Variants in TBC1D22A observed in about 807,000 individuals in gnomAD.
TBC1D22A encodes putative GTPase activator.
TBC1D22A carries 38 observed loss-of-function variants against 60.2 expected under a neutral mutation model. That is an observed-to-expected ratio of 0.63 (90% CI 0.49 to 0.83). The LOEUF is 0.83. Among genes scored for constraint, TBC1D22A ranks in the 40% least tolerant of loss-of-function variants. TBC1D22A has a pLI of 0.00. For synonymous variants in TBC1D22A, 302 were observed against 281.7 expected (o/e 1.07, Z -0.72); for missense variants, 628 against 701.0 (o/e 0.90, Z 1.18).
chr22:47,146,993 G>A (rs1220437689), intron 12 of TBC1D22A, among the ~76,000 whole-genome samples: 1 of 152,252 alleles, frequency 6.6e-6, no homozygotes, highest in Non-Finnish European at 1.5e-5. Context: ...CAGTTACATG[G>A]AGATTGCACT....
intron 4 of TBC1D22A, among the ~76,000 whole-genome samples, chr22:46,875,844 G>A (rs2067534650): frequency 6.6e-6 from 1 of 152,180 alleles, no homozygotes; most frequent in Non-Finnish European, 1.5e-5. Context: ...AGGAGGAAAG[G>A]ATGGAGTATT....
At chr22:47,108,991 G>A (rs1034874887) in intron 11 of TBC1D22A, among the ~76,000 whole-genome samples, 2 of 152,138 alleles carry the variant, frequency 1.3e-5, no homozygotes, top group South Asian at 2.1e-4. Context: ...CACTGCACCC[G>A]GCCTGAAATA....
chr22:47,050,297 G>C (rs1009053975), intron 11 of TBC1D22A, among the ~76,000 whole-genome samples: 2 of 150,368 alleles, frequency 1.3e-5, no homozygotes, highest in African/African-American at 4.9e-5. Context: ...GAGCCACCGC[G>C]CCTGGCCGAG....
In TBC1D22A at chr22:47,138,520, G is replaced by C. The variant is rs555842309; in HGVS notation, c.1425+26917G>C. 1.3e-3 allele frequency among the ~76,000 whole-genome samples: 191 copies of C among 152,350 alleles called. 1 individual carries two copies. Among genetic ancestry groups the C allele is most frequent in the African/African-American group, 4.4e-3 (184 of 41,582 alleles). ...GTGTCCCGGCACAGCTTCCCAGCCAGCCTCCCTAGTGAACCTTGCCTCTTC... is the reference window on the plus strand; with the variant it reads ...GTGTCCCGGCACAGCTTCCCAGCCACCCTCCCTAGTGAACCTTGCCTCTTC... On this transcript the variant is annotated intron_variant, in intron 12 of 12. Transcript: ENST00000337137.
At position 46,797,966 on chromosome 22, in the gene TBC1D22A, G is replaced by A. The variant is rs147327985; in HGVS notation, c.637+346G>A. Among the ~76,000 whole-genome samples, 802 of 152,208 alleles carry A rather than the reference G, an allele frequency of 5.3e-3. 5 individuals are homozygous for A. The Middle Eastern group carries it at 0.065, about 12-fold the overall frequency. On this transcript the variant is annotated intron_variant, in intron 4 of 12. Transcript: ENST00000337137. ...AGCTCACTGCAACCTGGAATTCCTG[G>A]GCTCAAGCAATCCTCCTGCCTCAGC...
At chr22:47,117,611 C>CA (rs2066116027) in intron 12 of TBC1D22A, among the ~76,000 whole-genome samples, 1 of 152,108 alleles carries the variant, frequency 6.6e-6, no homozygotes. Flanking sequence ...CTTCTCCCAA[C>CA]AAGGGTCTGG....
intron 11 of TBC1D22A, among the ~76,000 whole-genome samples, chr22:47,107,763 A>G (rs1268564616): frequency 6.6e-6 from 1 of 152,232 alleles, no homozygotes; most frequent in Non-Finnish European, 1.5e-5. Context: ...AAAGAAGAAG[A>G]CACAAGTGAG....
At chr22:46,932,847 C>T (rs1042961970) in intron 8 of TBC1D22A, among the ~76,000 whole-genome samples, 9 of 151,550 alleles carry the variant, frequency 5.9e-5, no homozygotes, top group African/African-American at 2.2e-4. Flanking sequence ...GCCTCAGCCT[C>T]CTGATTAGCT....
chr22:47,168,721 AG>A (rs1222316609), intron 12 of TBC1D22A, among the ~76,000 whole-genome samples: 1 of 117,588 alleles, frequency 8.5e-6, no homozygotes, highest in African/African-American at 3.2e-5. Flanking sequence ...CTGGGGCCCT[AG>A]GACACGGGCT....
At chr22:46,941,581 GGGAATATATATAC>G (rs1241974103) in intron 8 of TBC1D22A, among the ~76,000 whole-genome samples, 10 of 114,708 alleles carry the variant, frequency 8.7e-5, no homozygotes, top group Non-Finnish European at 1.3e-4. Context: ...TATATATACA[GGGAATATATATAC>G]GGAATATATA....
intron 11 of TBC1D22A, among the ~76,000 whole-genome samples, chr22:47,051,785 G>A (rs147178827): frequency 6.6e-6 from 1 of 152,286 alleles, no homozygotes; most frequent in East Asian, 1.9e-4. Context: ...GCGCTCCTCT[G>A]CTCCCGCTGT....
chr22:46,966,322 G>A (rs1051539272), intron 8 of TBC1D22A, among the ~76,000 whole-genome samples: 6 of 152,262 alleles, frequency 3.9e-5, no homozygotes, highest in African/African-American at 1.4e-4. Context: ...GGCTGTGTGA[G>A]CTGCGTCCCT....
At chr22:46,801,607 G>A (rs561544897) in intron 4 of TBC1D22A, among the ~76,000 whole-genome samples, 5 of 152,376 alleles carry the variant, frequency 3.3e-5, no homozygotes, top group African/African-American at 9.6e-5. Context: ...GTGAATGGTA[G>A]TGCGATTTGG....
intron 10 of TBC1D22A, among the ~76,000 whole-genome samples, chr22:47,000,076 G>A (rs1406977439): frequency 3.3e-5 from 5 of 152,200 alleles, no homozygotes; most frequent in African/African-American, 1.2e-4. Context: ...GAGAAGGACA[G>A]CATTTATTTC....
At chr22:46,896,789 G>A (rs1423287088) in intron 7 of TBC1D22A, among the ~76,000 whole-genome samples, 1 of 152,096 alleles carries the variant, frequency 6.6e-6, no homozygotes, top group East Asian at 1.9e-4. Context: ...CTTCACCGTG[G>A]ACTGGCCAGT....
chr22:47,148,156 G>A (rs191922471), intron 12 of TBC1D22A, among the ~76,000 whole-genome samples: 14 of 152,240 alleles, frequency 9.2e-5, no homozygotes, highest in Admixed American at 7.8e-4. Context: ...TAAAAAACCA[G>A]CCCCGAGAGG....
chr22:47,076,351 ATATGTGTGTG>A (rs2064212463), intron 11 of TBC1D22A, among the ~76,000 whole-genome samples: 1 of 119,290 alleles, frequency 8.4e-6, no homozygotes, highest in Non-Finnish European at 1.7e-5. Flanking sequence ...GTATATATAT[ATATGTGTGTG>A]TATATATATA....
chr22:46,972,743 C>T (rs1297911937), intron 8 of TBC1D22A, among the ~76,000 whole-genome samples: 4 of 152,168 alleles, frequency 2.6e-5, no homozygotes, highest in African/African-American at 7.2e-5. Context: ...ACCACTCTGT[C>T]GCACACGCTA....
At chr22:46,883,959 G>C (rs1319282998) in intron 5 of TBC1D22A, among the ~76,000 whole-genome samples, 1 of 152,188 alleles carries the variant, frequency 6.6e-6, no homozygotes, top group Admixed American at 6.5e-5. Context: ...CTTTCTCCCT[G>C]AGTCTCAGGG....
Sources: gnomAD v4.1 joint callset for allele counts (sites outside exome capture counted in the v4.1 genomes callset) on GRCh38, gnomAD v4.1.1 for gene constraint, MANE v1.5 for transcripts, NCBI Gene and HGNC (gene_info 2026-07-23, HGNC 2026-07-21) for gene names.